The following GRID1 variants were observed in gnomAD, a reference collection of about 807,000 sequenced individuals.
GRID1 encodes the protein glutamate ionotropic receptor delta type subunit 1.
In GRID1, 28 loss-of-function variants were observed where a neutral mutation model predicts 98.0. That is an observed-to-expected ratio of 0.29 (90% CI 0.21 to 0.39). The LOEUF (loss-of-function observed/expected upper bound fraction) is 0.39, where lower values mean the gene tolerates loss of function less well. GRID1 is among the 10% of genes least tolerant of loss of function. The pLI is 1.00. For synonymous variants in GRID1, 553 were observed against 538.5 expected (o/e 1.03, Z -0.37); for missense variants, 1,111 against 1,340.5 (o/e 0.83, Z 2.67).
At chr10:85,640,389 C>T (rs190902628) in intron 13 of GRID1, among the ~76,000 whole-genome samples, 1 of 152,214 alleles carries the variant, frequency 6.6e-6, no homozygotes. Context: ...TTATAGAGAG[C>T]AGTATTTTTG....
At chr10:86,258,079 A>C (rs1846953489) in intron 2 of GRID1, among the ~76,000 whole-genome samples, 1 of 152,202 alleles carries the variant, frequency 6.6e-6, no homozygotes, top group African/African-American at 2.4e-5. Context: ...ACCCCTCAGC[A>C]AAACAGGAAG....
chr10:86,279,650 T>C (rs978731455), intron 2 of GRID1, among the ~76,000 whole-genome samples: 1 of 152,222 alleles, frequency 6.6e-6, no homozygotes, highest in African/African-American at 2.4e-5. Flanking sequence ...ACATCATATT[T>C]AGTGTTGAAA....
intron 5 of GRID1, among the ~76,000 whole-genome samples, chr10:85,882,877 T>C (rs1841055342): frequency 6.6e-6 from 1 of 152,156 alleles, no homozygotes; most frequent in Non-Finnish European, 1.5e-5. Flanking sequence ...TCTTTGGTGT[T>C]CTACAGTAGC....
intron 4 of GRID1, among the ~76,000 whole-genome samples, chr10:85,924,876 C>T (rs1251000557): frequency 1.3e-5 from 2 of 152,176 alleles, no homozygotes; most frequent in African/African-American, 2.4e-5. Flanking sequence ...ATGGCAGAAG[C>T]GCCCGCTCAC....
intron 4 of GRID1, among the ~76,000 whole-genome samples, chr10:86,072,232 C>T (rs955743206): frequency 3.3e-5 from 5 of 152,128 alleles, no homozygotes; most frequent in African/African-American, 1.2e-4. Flanking sequence ...ATCCATACCT[C>T]AGTCAACTTT....
Position 86,365,207 on chromosome 10 carries a change from C to G in GRID1, c.79+1107G>C, listed in dbSNP as rs921285554. ...GCCCCTGAGGAGGAATCGTAGCTCT[C>G]CGAGCCCAGGCCTAGTCCTCACCAC... On this transcript the variant is annotated intron_variant, in intron 1 of 15. Coordinates refer to ENST00000327946, the MANE Select transcript of GRID1 (RefSeq NM_017551.3). This position sits in a 1 kb window ranked among gnomAD's most constrained non-coding sequence, Gnocchi z 4.8. Among the ~76,000 whole-genome samples, 1 of 152,154 alleles carries G rather than the reference C, an allele frequency of 6.6e-6. No individual in the cohort carries two copies. Among genetic ancestry groups the G allele is most frequent in the Non-Finnish European group, 1.5e-5 (1 of 68,016 alleles).
intron 12 of GRID1, among the ~76,000 whole-genome samples, chr10:85,705,750 T>G (rs1023177700): frequency 6.6e-6 from 1 of 152,112 alleles, no homozygotes; most frequent in African/African-American, 2.4e-5. Context: ...ATCAAAAAGC[T>G]TACCCACCAT....
chr10:86,351,877 C>G (rs1452528437), intron 2 of GRID1, among the ~76,000 whole-genome samples: 1 of 152,238 alleles, frequency 6.6e-6, no homozygotes, highest in Non-Finnish European at 1.5e-5. Context: ...GTAATCATTA[C>G]TTCATTTGTT....
intron 8 of GRID1, among the ~76,000 whole-genome samples, chr10:85,808,144 G>C (rs1842639295): frequency 6.6e-6 from 1 of 152,094 alleles, no homozygotes. Flanking sequence ...TCAGGCCTTA[G>C]ATATAAACAA....
chr10:86,327,723 C>G (rs188295652), intron 2 of GRID1, among the ~76,000 whole-genome samples: 1 of 152,294 alleles, frequency 6.6e-6, no homozygotes, highest in Non-Finnish European at 1.5e-5. Context: ...CAATGAGGTA[C>G]CGCCTATCAG....
chr10:85,633,659 C>T (rs539234274), intron 13 of GRID1, among the ~76,000 whole-genome samples: 7 of 152,178 alleles, frequency 4.6e-5, no homozygotes, highest in Admixed American at 3.3e-4. Context: ...GTGGAAGAGC[C>T]TCATCCTCTA....
chr10:86,107,365 G>A (rs1176280646), intron 4 of GRID1, among the ~76,000 whole-genome samples: 1 of 152,250 alleles, frequency 6.6e-6, no homozygotes, highest in Non-Finnish European at 1.5e-5. Context: ...GTGATCTGAA[G>A]GGCGTCCCTT....
chr10:86,307,198 T>C (rs899022230), intron 2 of GRID1, among the ~76,000 whole-genome samples: 2 of 152,232 alleles, frequency 1.3e-5, no homozygotes, highest in African/African-American at 4.8e-5. Flanking sequence ...CTTCTGGACA[T>C]GTACCCAAAG....
At chr10:85,816,635 T>C (rs1842718412) in intron 8 of GRID1, among the ~76,000 whole-genome samples, 2 of 152,230 alleles carry the variant, frequency 1.3e-5, no homozygotes, top group African/African-American at 2.4e-5. Flanking sequence ...TGTCAAAATC[T>C]ATAAAACCGC....
intron 2 of GRID1, among the ~76,000 whole-genome samples, chr10:86,335,151 T>A (rs1848205545): frequency 6.6e-6 from 1 of 152,232 alleles, no homozygotes; most frequent in Non-Finnish European, 1.5e-5. Context: ...GAGTGTTAGC[T>A]ACTGTCGGCT....
intron 8 of GRID1, among the ~76,000 whole-genome samples, chr10:85,730,452 T>G (rs1841810140): frequency 6.6e-6 from 1 of 152,176 alleles, no homozygotes; most frequent in Non-Finnish European, 1.5e-5. Context: ...CAGCCCCATC[T>G]CAAGTCAACT....
At chr10:86,084,408 C>G (rs1415785015) in intron 4 of GRID1, among the ~76,000 whole-genome samples, 2 of 151,852 alleles carry the variant, frequency 1.3e-5, no homozygotes, top group African/African-American at 4.8e-5. Flanking sequence ...AAATTGGAAC[C>G]CTTATGCACT....
intron 4 of GRID1, among the ~76,000 whole-genome samples, chr10:86,047,223 C>G (rs979953908): frequency 3.3e-5 from 5 of 152,214 alleles, no homozygotes; most frequent in African/African-American, 1.2e-4. Context: ...GACTCAGCCT[C>G]CTGAGCTACC....
At chr10:86,139,315 C>G (rs1424895527) in intron 3 of GRID1, among the ~76,000 whole-genome samples, 1 of 152,134 alleles carries the variant, frequency 6.6e-6, no homozygotes, top group Non-Finnish European at 1.5e-5. Flanking sequence ...TCTTTCTTTC[C>G]CTATATGGGC....
Sources: gnomAD v4.1 joint callset for allele counts (sites outside exome capture counted in the v4.1 genomes callset) on GRCh38, gnomAD v4.1.1 for gene constraint, Gnocchi (gnomAD v3.1) non-coding constraint, MANE v1.5 for transcripts, NCBI Gene and HGNC (gene_info 2026-07-23, HGNC 2026-07-21) for gene names.